HTR7: variants seen among roughly 807,000 people sequenced by gnomAD.
HTR7 encodes 5-HT-7.
In HTR7, 16 loss-of-function variants were observed where a neutral mutation model predicts 34.0. The observed-to-expected ratio is 0.47, with a 90% confidence interval of 0.32 to 0.71. HTR7 has a LOEUF of 0.71. HTR7 is among the 30% of genes least tolerant of loss of function. The probability of loss-of-function intolerance (pLI) is 0.04; values close to 1 mark genes in which losing one functional copy is unlikely to be tolerated. For missense variants in HTR7, 504 were observed against 625.5 expected (o/e 0.81, Z 2.07); for synonymous variants, 265 against 260.2 (o/e 1.02, Z -0.18).
chr10:90,764,309 G>GTT (rs34418123), intron 1 of HTR7, among the ~76,000 whole-genome samples: 3 of 151,918 alleles, frequency 2.0e-5, no homozygotes, highest in South Asian at 2.1e-4. Flanking sequence ...GGGGTTGCTT[G>GTT]TTTTTTTCTT....
intron 1 of HTR7, among the ~76,000 whole-genome samples, chr10:90,752,339 T>C (rs187804135): frequency 1.7e-4 from 26 of 152,298 alleles, no homozygotes; most frequent in Admixed American, 1.6e-3. Flanking sequence ...AAAAAGCTTT[T>C]TAAAAATAAT....
At chr10:90,756,822 C>T (rs1201616546) in intron 1 of HTR7, among the ~76,000 whole-genome samples, 2 of 151,280 alleles carry the variant, frequency 1.3e-5, no homozygotes, top group African/African-American at 4.9e-5. Context: ...TAAAACACCA[C>T]CAAGGAAAAC....
intron 1 of HTR7, among the ~76,000 whole-genome samples, chr10:90,847,074 C>T (rs576719768): frequency 6.6e-6 from 1 of 152,304 alleles, no homozygotes; most frequent in Admixed American, 6.5e-5. Context: ...TATTTACACA[C>T]ATAGATATAA....
intron 1 of HTR7, among the ~76,000 whole-genome samples, chr10:90,795,172 C>T (rs1329105143): frequency 6.6e-6 from 1 of 152,104 alleles, no homozygotes; most frequent in Non-Finnish European, 1.5e-5. Context: ...GGGTATATAC[C>T]AGTAGTAGGA....
intron 1 of HTR7, among the ~76,000 whole-genome samples, chr10:90,773,597 T>G (rs571562451): frequency 6.6e-6 from 1 of 152,280 alleles, no homozygotes; most frequent in South Asian, 2.1e-4. Context: ...CATCCTCACC[T>G]GCTCTCCAAC....
In HTR7 at chr10:90,760,830, G is replaced by A. The variant is rs1189745014; in HGVS notation, c.540-11236C>T. On this transcript the variant is annotated intron_variant, in intron 1 of 3. Coordinates refer to ENST00000336152, the MANE Select transcript of HTR7 (RefSeq NM_019859.4). ...CGGGAAGTGTAAGTTGCAGTGAGCC[G>A]AGATTGCGCCACTGAACTGCAGCCT... 3.9e-5 allele frequency among the ~76,000 whole-genome samples: 6 copies of A among 152,220 alleles called. No individual in the cohort carries two copies. The East Asian group carries it at 9.6e-4, about 24-fold the overall frequency.
chr10:90,854,254 T>G (rs1259329083), intron 1 of HTR7, among the ~76,000 whole-genome samples: 1 of 152,098 alleles, frequency 6.6e-6, no homozygotes, highest in Admixed American at 6.5e-5. Context: ...TTGCAGGGGC[T>G]CAGGCACGAG....
At chr10:90,836,984 C>T (rs531076961) in intron 1 of HTR7, among the ~76,000 whole-genome samples, 1 of 152,354 alleles carries the variant, frequency 6.6e-6, no homozygotes, top group South Asian at 2.1e-4. Flanking sequence ...CAACAGCTTT[C>T]TATGCCCTTA....
intron 1 of HTR7, among the ~76,000 whole-genome samples, chr10:90,766,824 A>T (rs557800395): frequency 2.6e-5 from 4 of 152,324 alleles, no homozygotes; most frequent in African/African-American, 9.6e-5. Context: ...TCATCTCTTC[A>T]AACCTTTATA....
intron 1 of HTR7, among the ~76,000 whole-genome samples, chr10:90,812,773 T>G (rs1008945572): frequency 1.3e-5 from 2 of 152,034 alleles, no homozygotes; most frequent in African/African-American, 4.8e-5. Context: ...CAACACTATT[T>G]TGTTTTATTT....
intron 1 of HTR7, among the ~76,000 whole-genome samples, chr10:90,800,316 TA>T (rs1373408864): frequency 6.6e-6 from 1 of 152,124 alleles, no homozygotes; most frequent in African/African-American, 2.4e-5. Flanking sequence ...AACAATGTCC[TA>T]AGAAATGAAA....
At chr10:90,747,600 T>A (rs1343648139) in intron 2 of HTR7, among the ~76,000 whole-genome samples, 1 of 152,162 alleles carries the variant, frequency 6.6e-6, no homozygotes, top group African/African-American at 2.4e-5. Context: ...TCAGATGATG[T>A]GGAATCTAGA....
chr10:90,780,420 C>T (rs1845289995), intron 1 of HTR7, among the ~76,000 whole-genome samples: 1 of 151,522 alleles, frequency 6.6e-6, no homozygotes, highest in Non-Finnish European at 1.5e-5. Context: ...ACTTGTAATC[C>T]CAGCTACTCG....
At chr10:90,773,241 T>G (rs1183459363) in intron 1 of HTR7, among the ~76,000 whole-genome samples, 1 of 152,198 alleles carries the variant, frequency 6.6e-6, no homozygotes, top group African/African-American at 2.4e-5. Flanking sequence ...TGTGGGATAG[T>G]CACAAGTGTT....
rs183097199 is a variant in HTR7 at position 90,765,755 on chromosome 10, C to A, written c.540-16161G>T. 2.2e-4 allele frequency among the ~76,000 whole-genome samples: 33 copies of A among 152,156 alleles called. No individual in the cohort carries two copies. In the East Asian group the frequency reaches 6.2e-3, roughly 28 times the overall value. Reference sequence around the variant, plus strand: ...TTGTTTGTTTCAGAATTTTCAATTACTCTTTACATTTCTTCTTTGACCCAT... The same window carrying A: ...TTGTTTGTTTCAGAATTTTCAATTAATCTTTACATTTCTTCTTTGACCCAT... On this transcript the variant is annotated intron_variant, in intron 1 of 3. Transcript: ENST00000336152.
intron 1 of HTR7, among the ~76,000 whole-genome samples, chr10:90,812,848 C>T (rs755477701): frequency 1.9e-4 from 29 of 152,356 alleles, no homozygotes; most frequent in Non-Finnish European, 3.4e-4. Context: ...ATCGCATCCC[C>T]TGTGACTTGC....
At chr10:90,751,122 T>C (rs1004763030) in intron 1 of HTR7, among the ~76,000 whole-genome samples, 2 of 152,150 alleles carry the variant, frequency 1.3e-5, no homozygotes, top group African/African-American at 4.8e-5. Flanking sequence ...TTTTCCTTAA[T>C]AAAGCTGACC....
chr10:90,819,934 A>C (rs1478108560), intron 1 of HTR7, among the ~76,000 whole-genome samples: 1 of 152,186 alleles, frequency 6.6e-6, no homozygotes, highest in African/African-American at 2.4e-5. Context: ...GTATCAGTTG[A>C]TTGAAAAAAA....
At chr10:90,846,584 C>T (rs1049294109) in intron 1 of HTR7, among the ~76,000 whole-genome samples, 5 of 152,176 alleles carry the variant, frequency 3.3e-5, no homozygotes, top group Non-Finnish European at 5.9e-5. Context: ...GACTAAGTGG[C>T]CAGAGCTCTA....
Sources: gnomAD v4.1 joint callset for allele counts (sites outside exome capture counted in the v4.1 genomes callset) on GRCh38, gnomAD v4.1.1 for gene constraint, MANE v1.5 for transcripts, NCBI Gene and HGNC (gene_info 2026-07-23, HGNC 2026-07-21) for gene names.